RTRAF: variants seen among roughly 807,000 people sequenced by gnomAD.
The protein encoded by RTRAF is RNA transcription, translation and transport factor.
RTRAF carries 14 observed loss-of-function variants against 34.4 expected under a neutral mutation model. The ratio of observed to expected loss-of-function variants is 0.41; its 90% CI spans 0.27 to 0.64. The LOEUF is 0.64. RTRAF is among the 30% of genes least tolerant of loss of function. The pLI, the probability that RTRAF is intolerant of heterozygous loss-of-function variation, is 0.34. For missense variants in RTRAF, 291 were observed against 288.4 expected (o/e 1.01, Z -0.06); for synonymous variants, 96 against 95.3 (o/e 1.01, Z -0.04).
At position 52,006,115 on chromosome 14, in the gene RTRAF, TTCC is replaced by T; in HGVS notation, c.*1602_*1604del. On this transcript the variant is annotated 3_prime_UTR_variant, in exon 8 of 8. Transcript: ENST00000261700. ...GGGCTTAGACTTTAATGTTCCACAG[TTCC>T]TCATTTGAGAACTAGTCTAAATAGT... 4.3e-6 allele frequency: 2 copies of T among 468,892 alleles called. No individual in the cohort carries two copies. The highest frequency in any genetic ancestry group is 4.6e-5 in the South Asian group (2 of 43,832). The allele number at this position is 468,892 out of a possible 1,614,324, so 29.0% of individuals were successfully genotyped here.
intron 3 of RTRAF, among the ~76,000 whole-genome samples, chr14:51,994,373 T>G (rs915178725): frequency 6.6e-6 from 1 of 152,228 alleles, no homozygotes; most frequent in African/African-American, 2.4e-5. Flanking sequence ...AATGCAAGAT[T>G]TGATTATCTT....
chr14:52,005,316 G>T lies in RTRAF; in HGVS notation c.*800G>T. ...TTTTAAAAATACAGTAGTAAAGATTGAGGTATCAGCTTTTCACAAAAGTCT... is the reference window on the plus strand; with the variant it reads ...TTTTAAAAATACAGTAGTAAAGATTTAGGTATCAGCTTTTCACAAAAGTCT... On this transcript the variant is annotated 3_prime_UTR_variant, in exon 8 of 8. Transcript: ENST00000261700. 2.1e-6 allele frequency: 1 copy of T among 470,574 alleles called. No homozygotes were observed. The allele number at this position is 470,574 out of a possible 1,614,324, so 29.1% of individuals were successfully genotyped here.
rs765700253 is a variant in RTRAF at position 52,002,432 on chromosome 14, T to C, written c.531+566T>C. ...GGGGAGAAGGGTCCATGCGTGGATG[T>C]CTGCATGAGCTTGTCAGTCTGCCCA... On this transcript the variant is annotated intron_variant, in intron 6 of 7. Transcript: ENST00000261700. 3.1e-4 allele frequency among the ~76,000 whole-genome samples: 47 copies of C among 152,326 alleles called. 1 individual carries two copies. The highest frequency in any genetic ancestry group is 3.4e-3 in the Middle Eastern group (1 of 294).
chr14:52,003,859 A>G (rs1443443110), intron 6 of RTRAF, among the ~76,000 whole-genome samples: 1 of 152,244 alleles, frequency 6.6e-6, no homozygotes, highest in African/African-American at 2.4e-5. Context: ...ATAAGACAGT[A>G]ACAGCCTGGC....
intron 3 of RTRAF, among the ~76,000 whole-genome samples, chr14:51,997,172 C>T (rs1007618105): frequency 5.9e-5 from 9 of 151,972 alleles, no homozygotes; most frequent in Non-Finnish European, 8.8e-5. Context: ...TGGGGAGGTA[C>T]TTTGAGACTG....
rs1359143089 is a variant in RTRAF, at chr14:52,006,524, T to C, written c.*2008T>C. 1.2e-6 allele frequency: 2 copies of C among 1,613,216 alleles called. No individual in the cohort carries two copies. The highest frequency in any genetic ancestry group is 1.7e-5 in the Admixed American group (1 of 59,982). On this transcript the variant is annotated 3_prime_UTR_variant, in exon 8 of 8. Coordinates refer to ENST00000261700, the MANE Select transcript of RTRAF (RefSeq NM_016039.3). ...TGGCCTTTTCAGGCTTGTCCAGAAT[T>C]TGTGGGGCTCACCTCCTCCAGTCTG... is the stretch of plus-strand genomic sequence containing the variant.
chr14:52,002,123 A>G (rs1183040939), intron 6 of RTRAF, among the ~76,000 whole-genome samples: 1 of 152,178 alleles, frequency 6.6e-6, no homozygotes, highest in African/African-American at 2.4e-5. Flanking sequence ...ACAGTCCACA[A>G]ATCATGCTTG....
At chr14:51,997,258 T>G (rs928771549) in intron 3 of RTRAF, among the ~76,000 whole-genome samples, 3 of 151,994 alleles carry the variant, frequency 2.0e-5, no homozygotes, top group Admixed American at 6.6e-5. Flanking sequence ...CCTCAGTCAT[T>G]TATTATGTTA....
At chr14:52,000,051 T>C (rs535771353) in intron 5 of RTRAF, among the ~76,000 whole-genome samples, 1 of 152,214 alleles carries the variant, frequency 6.6e-6, no homozygotes, top group African/African-American at 2.4e-5. Flanking sequence ...AATATCTTTT[T>C]AAAAATATAT....
chr14:52,005,782 A>C lies in RTRAF; in HGVS notation c.*1266A>C. 1 of 1,613,924 alleles carries C rather than the reference A, an allele frequency of 6.2e-7. No individual in the cohort carries two copies. Among genetic ancestry groups the C allele is most frequent in the Admixed American group, 1.7e-5 (1 of 60,014 alleles). ...ACTGCAGTTATCCCGTAGAGGTGAG[A>C]TCGTTGTTCTGGGAGATACTCATCA... On this transcript the variant is annotated 3_prime_UTR_variant, in exon 8 of 8. Coordinates refer to ENST00000261700, the MANE Select transcript of RTRAF (RefSeq NM_016039.3).
intron 3 of RTRAF, among the ~76,000 whole-genome samples, chr14:51,997,298 A>AT (rs767277985): frequency 3.5e-4 from 53 of 151,886 alleles, no homozygotes; most frequent in Non-Finnish European, 5.0e-4. Context: ...TAATTTCATC[A>AT]TTTTTTCTAC....
chr14:52,002,266 T>C (rs1429631205), intron 6 of RTRAF, among the ~76,000 whole-genome samples: 2 of 152,240 alleles, frequency 1.3e-5, no homozygotes, highest in African/African-American at 2.4e-5. Context: ...CTATCCTTGC[T>C]CTTATTTCTT....
At chr14:51,992,828 C>T (rs1018118309) in intron 2 of RTRAF, among the ~76,000 whole-genome samples, 2 of 152,068 alleles carry the variant, frequency 1.3e-5, no homozygotes, top group Non-Finnish European at 1.5e-5. Flanking sequence ...GTCAGGGGTT[C>T]GAGACCAGCC....
At chr14:51,992,734 A>G (rs1457414370) in intron 2 of RTRAF, among the ~76,000 whole-genome samples, 1 of 152,236 alleles carries the variant, frequency 6.6e-6, no homozygotes, top group Non-Finnish European at 1.5e-5. Flanking sequence ...TCTGGAGAAT[A>G]TAAAAAATTG....
chr14:52,001,892 G>A (rs534888333), intron 6 of RTRAF, 26 bp downstream of exon 6: 2 of 1,575,414 alleles, frequency 1.3e-6, no homozygotes, highest in East Asian at 2.2e-5. Flanking sequence ...TCCTAAATAA[G>A]TTGTTAATGA....
Position 52,005,897 on chromosome 14 carries a change from T to C in RTRAF, c.*1381T>C. ...AATTCAGGGACAGTCATTTACTAGA[T>C]AAAGAAGTCAGTCAGCCACAGAAAA... On this transcript the variant is annotated 3_prime_UTR_variant, in exon 8 of 8. Transcript: ENST00000261700. 1 of 1,385,422 alleles carries C rather than the reference T, an allele frequency of 7.2e-7. No homozygotes were observed. The highest frequency in any genetic ancestry group is 1.0e-6 in the Non-Finnish European group (1 of 987,454). 85.8% of individuals were successfully genotyped at this position (1,385,422 alleles called of 1,614,324 possible).
intron 3 of RTRAF, among the ~76,000 whole-genome samples, chr14:51,995,620 C>T (rs1890506694): frequency 1.3e-5 from 2 of 152,160 alleles, no homozygotes; most frequent in Admixed American, 6.5e-5. Context: ...GACATAGTTT[C>T]TTGCACACAA....
rs903044326 is a variant in RTRAF at position 52,009,121 on chromosome 14, G to A, written c.*4605G>A. ...GTGAGAGGAGAGGAAGAAACCATAG[G>A]TTTCCCCTGTTGCGAATTTCATCCC... On this transcript the variant is annotated 3_prime_UTR_variant, in exon 8 of 8. Coordinates refer to ENST00000261700, the MANE Select transcript of RTRAF (RefSeq NM_016039.3). 2.0e-5 allele frequency: 3 copies of A among 152,164 alleles called. No homozygotes were observed. The highest frequency in any genetic ancestry group is 7.2e-5 in the African/African-American group (3 of 41,416). The allele number at this position is 152,164 out of a possible 1,614,324, so 9.4% of individuals were successfully genotyped here.
chr14:51,990,752 A>T (rs573475379), intron 1 of RTRAF, among the ~76,000 whole-genome samples: 3 of 152,340 alleles, frequency 2.0e-5, no homozygotes, highest in African/African-American at 7.2e-5. Context: ...CTTAATGTGC[A>T]GTTAACATTC....
Sources: allele counts gnomAD v4.1 joint callset (sites outside exome capture counted in the v4.1 genomes callset), GRCh38; gene constraint gnomAD v4.1.1; transcripts MANE v1.5; gene names NCBI Gene and HGNC (gene_info 2026-07-23, HGNC 2026-07-21).